The following PCDHGA1 variants were observed in gnomAD, a reference collection of about 807,000 sequenced individuals.
PCDHGA1 encodes protocadherin gamma subfamily A, 1, also known as protocadherin gamma-A1.
Under a neutral mutation model 58.0 loss-of-function variants are expected in PCDHGA1, and 32 were observed. That is an observed-to-expected ratio of 0.55 (90% CI 0.42 to 0.74). PCDHGA1 has a LOEUF of 0.74. Ranked by LOEUF, PCDHGA1 falls within the 30% of genes least tolerant of loss-of-function variation. The pLI is 0.00. For synonymous variants in PCDHGA1, 498 were observed against 501.1 expected, an observed-to-expected ratio of 0.99 and a Z score of 0.08; for missense variants, 1,205 against 1,182.3, an observed-to-expected ratio of 1.02 and a Z score of -0.28.
chr5:141,508,507 TGGTCCAGCCCAACCTCAG>T (rs1377043623), intron 3 of PCDHGA1, among the ~76,000 whole-genome samples: 1 of 152,178 alleles, frequency 6.6e-6, no homozygotes, highest in Non-Finnish European at 1.5e-5. Flanking sequence ...CTCTCCCTCC[TGGTCCAGCCCAACCTCAG>T]GGCACCCCCC....
chr5:141,331,324 GCTT>G lies in PCDHGA1; in HGVS notation c.643_645del (p.Ser215del). 6.8e-6 allele frequency: 11 copies of G among 1,614,160 alleles called. No individual in the cohort carries two copies. The highest frequency in any genetic ancestry group is 9.3e-6 in the Non-Finnish European group (11 of 1,180,042). ...AGCTGTCCACCACCTCATCCTCACA[GCTT>G]CTGATGGGGGTGAACCAGTCCGTTC... On this transcript the variant is annotated inframe_deletion, in exon 1 of 4. Coordinates refer to ENST00000517417, the MANE Select transcript of PCDHGA1 (RefSeq NM_018912.3).
intron 1 of PCDHGA1, chr5:141,384,126 C>G: frequency 1.2e-6 from 2 of 1,610,938 alleles, no homozygotes; most frequent in Non-Finnish European, 1.7e-6. Context: ...CAACCAAAAA[C>G]TTGGACCGGG....
intron 1 of PCDHGA1, among the ~76,000 whole-genome samples, chr5:141,462,331 T>C (rs909948238): frequency 6.6e-6 from 1 of 152,244 alleles, no homozygotes; most frequent in African/African-American, 2.4e-5. Context: ...TCTAATTTAA[T>C]TGTATTGTGA....
intron 1 of PCDHGA1, chr5:141,360,961 G>A (rs1761819904): frequency 1.2e-6 from 2 of 1,613,940 alleles, no homozygotes; most frequent in Non-Finnish European, 8.5e-7. Context: ...CATAAACGCA[G>A]AGATCACCTA....
At chr5:141,427,869 A>G in intron 1 of PCDHGA1, 3 of 1,559,604 alleles carry the variant, frequency 1.9e-6, no homozygotes, top group Non-Finnish European at 2.6e-6. Flanking sequence ...CTTCGAGCTC[A>G]CGATGCAGGC....
chr5:141,472,779 A>C (rs908169292), intron 1 of PCDHGA1, among the ~76,000 whole-genome samples: 5 of 152,012 alleles, frequency 3.3e-5, no homozygotes, highest in Non-Finnish European at 7.4e-5. Context: ...TGAGGTTGGG[A>C]GTTCAAGATC....
chr5:141,404,214 C>T lies in PCDHGA1; in HGVS notation c.2421+71109C>T, dbSNP rs1169013129. On this transcript the variant is annotated intron_variant, in intron 1 of 3. Coordinates refer to ENST00000517417, the MANE Select transcript of PCDHGA1 (RefSeq NM_018912.3). ...GAAAAAGCCTCAGAATATAATATCA[C>T]GGTGACTGCAACAGACAGAGGAACT... 11 of 1,613,562 alleles carry T rather than the reference C, an allele frequency of 6.8e-6. No individual in the cohort carries two copies. In the Admixed American group the frequency reaches 1.3e-4, roughly 20 times the overall value.
intron 2 of PCDHGA1, among the ~76,000 whole-genome samples, chr5:141,502,894 G>C (rs1342496006): frequency 6.8e-6 from 1 of 147,968 alleles, no homozygotes; most frequent in Non-Finnish European, 1.5e-5. Context: ...AGGGAGTCTA[G>C]CTCTGTTGCC....
intron 1 of PCDHGA1, chr5:141,411,407 A>G (rs2154543610): frequency 6.6e-6 from 1 of 151,868 alleles, no homozygotes; most frequent in East Asian, 1.9e-4. Context: ...CCCCATCTCT[A>G]CTAAAACAAC....
At chr5:141,375,093 T>G (rs1394979484) in intron 1 of PCDHGA1, 18 of 1,613,962 alleles carry the variant, frequency 1.1e-5, no homozygotes, top group Non-Finnish European at 1.4e-5. Flanking sequence ...TTAATAACTA[T>G]CTTGGATGTC....
chr5:141,419,980 G>T lies in PCDHGA1; in HGVS notation c.2422-74827G>T, dbSNP rs182372807. 1.1e-4 allele frequency: 180 copies of T among 1,614,080 alleles called. No individual in the cohort carries two copies. The East Asian group carries it at 1.1e-3, about 10-fold the overall frequency. On this transcript the variant is annotated intron_variant, in intron 1 of 3. Transcript: ENST00000517417. ...TTTCTGTGCTCTTTCTCCTCGCGGTGATTCTAGCTATTGCTCTACGCCTGC... is the reference window on the plus strand; with the variant it reads ...TTTCTGTGCTCTTTCTCCTCGCGGTTATTCTAGCTATTGCTCTACGCCTGC...
chr5:141,420,089 A>G lies in PCDHGA1; in HGVS notation c.2422-74718A>G. On this transcript the variant is annotated intron_variant, in intron 1 of 3. Transcript: ENST00000517417. The stretch of plus-strand genomic sequence containing the variant: ...CGGACCTGTGGGTCCCCCCAACTAC[A>G]GTGAGGGAACGTTGCCCTATGCCTA... 2.5e-6 allele frequency: 4 copies of G among 1,613,986 alleles called. No individual in the cohort carries two copies. Among genetic ancestry groups the G allele is most frequent in the Middle Eastern group, 1.6e-4 (1 of 6,062 alleles).
At position 141,507,794 on chromosome 5, in the gene PCDHGA1, C is replaced by CT. The variant is rs576191739; in HGVS notation, c.2569+2314dup. On this transcript the variant is annotated intron_variant, in intron 3 of 3. Coordinates refer to ENST00000517417, the MANE Select transcript of PCDHGA1 (RefSeq NM_018912.3). ...CACAGGGCCTGACCCTCGTCTAAGC[C>CT]TGCGCCCTGGGGAACGGACCCTGGG... 7.9e-4 allele frequency among the ~76,000 whole-genome samples: 120 copies of CT among 152,356 alleles called. 2 individuals carry two copies. The highest frequency in any genetic ancestry group is 2.8e-3 in the African/African-American group (115 of 41,592).
intron 1 of PCDHGA1, chr5:141,357,818 C>T: frequency 1.4e-6 from 1 of 707,928 alleles, no homozygotes. Flanking sequence ...ATTACTTATC[C>T]TTTTTGGTCT....
intron 1 of PCDHGA1, chr5:141,366,201 G>A (rs567413702): frequency 2.4e-5 from 39 of 1,613,736 alleles, no homozygotes; most frequent in Non-Finnish European, 3.2e-5. Flanking sequence ...CTGCACACGG[G>A]CGAGGTGCGC....
intron 1 of PCDHGA1, 177 bp from the exon 2 acceptor site, chr5:141,494,630 C>T (rs991482599): frequency 5.8e-6 from 5 of 866,562 alleles, no homozygotes; most frequent in Non-Finnish European, 6.9e-6. Flanking sequence ...GTACCTCAGA[C>T]CTCTGAGACC....
chr5:141,409,914 G>T lies in PCDHGA1; in HGVS notation c.2421+76809G>T, dbSNP rs772848211. 58 of 1,613,230 alleles carry T rather than the reference G, an allele frequency of 3.6e-5. No homozygotes were observed. In the East Asian group the frequency reaches 1.2e-3, roughly 35 times the overall value. On this transcript the variant is annotated intron_variant, in intron 1 of 3. Transcript: ENST00000517417. ...CTGTACCCAGCTCTGGGTCCTGACGGCTCCGCGTTCTTCGATATGGTACCT... is the reference window on the plus strand; with the variant it reads ...CTGTACCCAGCTCTGGGTCCTGACGTCTCCGCGTTCTTCGATATGGTACCT...
chr5:141,500,877 A>ATTT (rs369345007), intron 2 of PCDHGA1, among the ~76,000 whole-genome samples: 1 of 122,288 alleles, frequency 8.2e-6, no homozygotes, highest in Admixed American at 8.0e-5. Context: ...TTCATTTACA[A>ATTT]TTTTTTTTTT....
At chr5:141,400,830 T>G (rs1194053653) in intron 1 of PCDHGA1, among the ~76,000 whole-genome samples, 2 of 152,244 alleles carry the variant, frequency 1.3e-5, no homozygotes, top group African/African-American at 2.4e-5. Flanking sequence ...GTTGTCTCAT[T>G]CTTTAACATG....
Sources: allele counts gnomAD v4.1 joint callset (sites outside exome capture counted in the v4.1 genomes callset), GRCh38; gene constraint gnomAD v4.1.1; transcripts MANE v1.5; gene names NCBI Gene and HGNC (gene_info 2026-07-23, HGNC 2026-07-21).